Variants in ZNF385B observed in about 807,000 individuals in gnomAD.
The protein encoded by ZNF385B is zinc finger protein 385B, also known as zinc finger protein 533.
A neutral mutation model predicts 39.2 loss-of-function variants in ZNF385B; 23 were observed. That is an observed-to-expected ratio of 0.59 (90% CI 0.42 to 0.83). The LOEUF is 0.83. ZNF385B is among the 40% of genes least tolerant of loss of function. ZNF385B has a pLI of 0.00. For synonymous variants in ZNF385B, 205 were observed against 222.6 expected (o/e 0.92, Z 0.70); for missense variants, 552 against 598.9 (o/e 0.92, Z 0.82).
chr2:179,709,523 C>T (rs982023101), intron 3 of ZNF385B, among the ~76,000 whole-genome samples: 11 of 152,208 alleles, frequency 7.2e-5, no homozygotes, highest in African/African-American at 2.7e-4. Flanking sequence ...ACTGCATCTA[C>T]ACCACCTGGA....
intron 3 of ZNF385B, among the ~76,000 whole-genome samples, chr2:179,761,062 G>T (rs1460505714): frequency 6.6e-6 from 1 of 151,876 alleles, no homozygotes; most frequent in African/African-American, 2.4e-5. Context: ...TGTGTGTGTG[G>T]ATCTATGTCT....
intron 5 of ZNF385B, among the ~76,000 whole-genome samples, chr2:179,515,429 G>A (rs2058021934): frequency 6.6e-6 from 1 of 152,162 alleles, no homozygotes; most frequent in Non-Finnish European, 1.5e-5. Flanking sequence ...CACTGAGAAT[G>A]CCAGTGTTAA....
intron 1 of ZNF385B, among the ~76,000 whole-genome samples, chr2:179,803,400 C>A (rs1706154445): frequency 6.6e-6 from 1 of 152,128 alleles, no homozygotes. Context: ...ACCATTTTTA[C>A]TAGTGCATGA....
chr2:179,470,729 G>A (rs186962494), intron 6 of ZNF385B, among the ~76,000 whole-genome samples: 9 of 152,248 alleles, frequency 5.9e-5, no homozygotes, highest in South Asian at 2.1e-4. Context: ...GTGCTTTACC[G>A]TATGAATTTA....
At chr2:179,565,307 T>C (rs1457810715) in intron 3 of ZNF385B, among the ~76,000 whole-genome samples, 1 of 152,060 alleles carries the variant, frequency 6.6e-6, no homozygotes, top group South Asian at 2.1e-4. Flanking sequence ...AGCTCACAAG[T>C]AGGAATAAAA....
intron 3 of ZNF385B, among the ~76,000 whole-genome samples, chr2:179,742,786 G>T (rs1382111912): frequency 6.6e-6 from 1 of 152,018 alleles, no homozygotes; most frequent in African/African-American, 2.4e-5. Context: ...CTTTCATTTT[G>T]CAATCATGTT....
intron 6 of ZNF385B, among the ~76,000 whole-genome samples, 176 bp downstream of exon 6, chr2:179,483,096 A>G (rs1255585413): frequency 6.6e-6 from 1 of 152,066 alleles, no homozygotes; most frequent in Non-Finnish European, 1.5e-5. Context: ...GAATGGAAAC[A>G]TATCAAATGC....
At chr2:179,826,764 T>C (rs1414193055) in intron 1 of ZNF385B, among the ~76,000 whole-genome samples, 1 of 152,088 alleles carries the variant, frequency 6.6e-6, no homozygotes, top group East Asian at 1.9e-4. Context: ...ACAAAACATA[T>C]ACTAAAAATA....
chr2:179,520,930 T>C (rs2058442194), intron 4 of ZNF385B, among the ~76,000 whole-genome samples: 1 of 152,204 alleles, frequency 6.6e-6, no homozygotes, highest in Non-Finnish European at 1.5e-5. Flanking sequence ...TTTCAAAAAA[T>C]ACATTGAAAT....
intron 1 of ZNF385B, among the ~76,000 whole-genome samples, chr2:179,809,781 C>G (rs893241719): frequency 4.0e-5 from 6 of 151,892 alleles, no homozygotes; most frequent in Admixed American, 6.6e-5. Flanking sequence ...GAATCATGAC[C>G]CTGAATTATC....
chr2:179,660,229 T>G (rs1410093681), intron 3 of ZNF385B: 3 of 152,442 alleles, frequency 2.0e-5, no homozygotes, highest in Non-Finnish European at 4.4e-5. Context: ...ATCTTAAGTC[T>G]GCTGGAGTAC....
chr2:179,652,699 A>G (rs532646874), intron 3 of ZNF385B, among the ~76,000 whole-genome samples: 2 of 152,268 alleles, frequency 1.3e-5, no homozygotes, highest in South Asian at 4.1e-4. Flanking sequence ...TTACTAATTT[A>G]TCAATTTCTA....
chr2:179,829,515 T>TC (rs2106594117), intron 1 of ZNF385B, among the ~76,000 whole-genome samples: 1 of 152,040 alleles, frequency 6.6e-6, no homozygotes, highest in South Asian at 2.1e-4. Context: ...GGATATGACT[T>TC]TTTTTTTCTT....
At chr2:179,679,431 G>A (rs1475271694) in intron 3 of ZNF385B, among the ~76,000 whole-genome samples, 1 of 152,124 alleles carries the variant, frequency 6.6e-6, no homozygotes, top group South Asian at 2.1e-4. Context: ...CAAATTCAGC[G>A]AGAAGACTGA....
intron 3 of ZNF385B, among the ~76,000 whole-genome samples, chr2:179,640,150 C>G (rs1244095496): frequency 1.3e-5 from 2 of 152,080 alleles, no homozygotes; most frequent in Admixed American, 1.3e-4. Context: ...TCACAAAGAC[C>G]TGACCATTAA....
chr2:179,783,651 A>AT (rs1472525315), intron 1 of ZNF385B, among the ~76,000 whole-genome samples: 3 of 151,996 alleles, frequency 2.0e-5, no homozygotes, highest in Non-Finnish European at 4.4e-5. Context: ...AAACAACTCC[A>AT]TTAAAAGTGG....
chr2:179,802,078 TA>T (rs1488345828), intron 1 of ZNF385B, among the ~76,000 whole-genome samples: 20 of 152,124 alleles, frequency 1.3e-4, no homozygotes, highest in Admixed American at 1.2e-3. Flanking sequence ...CTTTATTGTT[TA>T]AAAAGCCTAC....
intron 1 of ZNF385B, among the ~76,000 whole-genome samples, chr2:179,814,837 T>C (rs1232896239): frequency 6.6e-6 from 1 of 152,044 alleles, no homozygotes; most frequent in Non-Finnish European, 1.5e-5. Flanking sequence ...AACAAACACA[T>C]GAAGAAAAAT....
At chr2:179,690,813 T>C (rs1698298490) in intron 3 of ZNF385B, among the ~76,000 whole-genome samples, 1 of 152,196 alleles carries the variant, frequency 6.6e-6, no homozygotes, top group Non-Finnish European at 1.5e-5. Flanking sequence ...CCTTAACAAA[T>C]GACAGTTGTA....
Sources: allele counts gnomAD v4.1 joint callset (sites outside exome capture counted in the v4.1 genomes callset), GRCh38; gene constraint gnomAD v4.1.1; transcripts MANE v1.5; gene names NCBI Gene and HGNC (gene_info 2026-07-23, HGNC 2026-07-21).